RUNDC3B: variants seen among roughly 807,000 people sequenced by gnomAD.
RUNDC3B encodes the protein RUN domain-containing protein 3B.
Under a neutral mutation model 58.4 loss-of-function variants are expected in RUNDC3B, and 33 were observed. That is an observed-to-expected ratio of 0.56 (90% CI 0.43 to 0.75). The LOEUF is 0.75. Ranked by LOEUF, RUNDC3B falls within the 30% of genes least tolerant of loss-of-function variation. The pLI, the probability that RUNDC3B is intolerant of heterozygous loss-of-function variation, is 0.00. For missense variants in RUNDC3B, 501 were observed against 535.7 expected, an observed-to-expected ratio of 0.94 and a Z score of 0.64; for synonymous variants, 193 against 195.2, an observed-to-expected ratio of 0.99 and a Z score of 0.10.
At chr7:87,711,265 G>T (rs117131492) in intron 4 of RUNDC3B, among the ~76,000 whole-genome samples, 2 of 151,892 alleles carry the variant, frequency 1.3e-5, no homozygotes, top group African/African-American at 4.9e-5. Flanking sequence ...GGCAGAGGTT[G>T]TGGAGAGCCG....
chr7:87,743,044 G>C (rs191810846), intron 6 of RUNDC3B, among the ~76,000 whole-genome samples: 1 of 151,934 alleles, frequency 6.6e-6, no homozygotes, highest in African/African-American at 2.4e-5. Flanking sequence ...AACCTGGGAG[G>C]CGGAGGTTGC....
At chr7:87,631,163 G>A (rs1821173665) in intron 1 of RUNDC3B, among the ~76,000 whole-genome samples, 1 of 152,172 alleles carries the variant, frequency 6.6e-6, no homozygotes. Flanking sequence ...GATGGTGCAT[G>A]TAAATTATCC....
intron 8 of RUNDC3B, among the ~76,000 whole-genome samples, chr7:87,783,844 G>GTGTA (rs1835071530): frequency 6.6e-6 from 1 of 152,142 alleles, no homozygotes; most frequent in Non-Finnish European, 1.5e-5. Flanking sequence ...CTTCTCTGGT[G>GTGTA]TGTATAGTTT....
intron 8 of RUNDC3B, among the ~76,000 whole-genome samples, chr7:87,797,837 A>C (rs374683058): frequency 1.5e-4 from 23 of 152,122 alleles, no homozygotes; most frequent in African/African-American, 5.3e-4. Flanking sequence ...TTACAGTTAG[A>C]ATTCTTTTGC....
intron 8 of RUNDC3B, among the ~76,000 whole-genome samples, chr7:87,803,741 A>G (rs1836291492): frequency 2.6e-5 from 4 of 152,164 alleles, no homozygotes; most frequent in East Asian, 1.9e-4. Flanking sequence ...TTTACTTGAT[A>G]TTCGTTGTGA....
intron 8 of RUNDC3B, among the ~76,000 whole-genome samples, chr7:87,802,617 C>T (rs1411323978): frequency 6.6e-6 from 1 of 152,120 alleles, no homozygotes; most frequent in East Asian, 1.9e-4. Context: ...GATGGATTCC[C>T]CATTTACCCT....
chr7:87,815,818 A>AT (rs1836997229), intron 9 of RUNDC3B, among the ~76,000 whole-genome samples: 1 of 152,278 alleles, frequency 6.6e-6, no homozygotes, highest in East Asian at 1.9e-4. Flanking sequence ...TAATCTGAAG[A>AT]TTTTTTGTTC....
chr7:87,628,615 G>A lies in RUNDC3B; in HGVS notation c.-209G>A. 5.6e-6 allele frequency: 2 copies of A among 358,710 alleles called. No individual in the cohort carries two copies. The highest frequency in any genetic ancestry group is 8.1e-5 in the East Asian group (2 of 24,826). The allele number at this position is 358,710 out of a possible 1,614,324, so 22.2% of individuals were successfully genotyped here. A position where few individuals can be genotyped will look rare whatever the true frequency, so the allele number is the denominator to read the frequency against. On this transcript the variant is annotated 5_prime_UTR_variant, in exon 1 of 11. It adds an upstream start codon to the 5' untranslated region. Transcript: ENST00000394654. ...TGTGTGTGTGTGTGTGTGTGTGTGT[G>A]TGTGTGTGTGGAGCTCGGGTGCCAA...
intron 6 of RUNDC3B, among the ~76,000 whole-genome samples, chr7:87,744,825 G>T (rs1375311038): frequency 1.3e-5 from 2 of 152,110 alleles, no homozygotes; most frequent in Non-Finnish European, 2.9e-5. Flanking sequence ...TCTCCTGATT[G>T]CTCTAGCTAG....
chr7:87,733,157 C>T (rs1831697056), intron 4 of RUNDC3B, among the ~76,000 whole-genome samples: 1 of 152,132 alleles, frequency 6.6e-6, no homozygotes, highest in South Asian at 2.1e-4. Context: ...TGTTTATAGG[C>T]TCTCCACAAA....
intron 2 of RUNDC3B, among the ~76,000 whole-genome samples, chr7:87,663,924 A>G (rs557152611): frequency 6.6e-6 from 1 of 152,200 alleles, no homozygotes; most frequent in African/African-American, 2.4e-5. Flanking sequence ...GTATGATCCT[A>G]CTGGATGAAG....
chr7:87,681,549 A>T (rs1826929736), intron 2 of RUNDC3B, among the ~76,000 whole-genome samples: 1 of 150,786 alleles, frequency 6.6e-6, no homozygotes, highest in Non-Finnish European at 1.5e-5. Flanking sequence ...ATGTCTAAAA[A>T]ATGTACATAC....
intron 2 of RUNDC3B, among the ~76,000 whole-genome samples, chr7:87,683,145 C>A (rs1827095909): frequency 6.6e-6 from 1 of 152,148 alleles, no homozygotes; most frequent in Non-Finnish European, 1.5e-5. Flanking sequence ...TCTGCGGCGT[C>A]TTTGCCTCTC....
At chr7:87,668,684 C>T (rs1825517849) in intron 2 of RUNDC3B, among the ~76,000 whole-genome samples, 1 of 152,032 alleles carries the variant, frequency 6.6e-6, no homozygotes, top group Non-Finnish European at 1.5e-5. Flanking sequence ...TATTTTTGTT[C>T]TCATTATTTT....
intron 4 of RUNDC3B, among the ~76,000 whole-genome samples, chr7:87,728,175 A>G (rs758517826): frequency 6.6e-6 from 1 of 152,180 alleles, no homozygotes; most frequent in Non-Finnish European, 1.5e-5. Context: ...AATCTGCTAT[A>G]AAATTCATAC....
chr7:87,720,187 A>G (rs1830791680), intron 4 of RUNDC3B, among the ~76,000 whole-genome samples: 1 of 152,198 alleles, frequency 6.6e-6, no homozygotes, highest in Admixed American at 6.6e-5. Context: ...TAAACTGACA[A>G]CTCACAAGAA....
intron 2 of RUNDC3B, among the ~76,000 whole-genome samples, chr7:87,679,397 AC>A (rs1478894901): frequency 2.0e-5 from 3 of 148,318 alleles, no homozygotes; most frequent in Non-Finnish European, 4.5e-5. Context: ...CCGGCCCCCA[AC>A]TTTTTTTTAA....
At chr7:87,709,772 G>C (rs1010118699) in intron 3 of RUNDC3B, among the ~76,000 whole-genome samples, 4 of 151,930 alleles carry the variant, frequency 2.6e-5, no homozygotes, top group African/African-American at 9.7e-5. Flanking sequence ...TATGTATTTA[G>C]TCTTCATGAA....
chr7:87,641,184 T>A (rs2157926), intron 1 of RUNDC3B, among the ~76,000 whole-genome samples: 23,890 of 152,128 alleles, frequency 0.16, 3,170 homozygotes, highest in African/African-American at 0.37. Flanking sequence ...GTCAACCATT[T>A]TGTGTCAAAG....
Sources: allele counts gnomAD v4.1 joint callset (sites outside exome capture counted in the v4.1 genomes callset), GRCh38; gene constraint gnomAD v4.1.1; transcripts MANE v1.5; gene names NCBI Gene and HGNC (gene_info 2026-07-23, HGNC 2026-07-21).